The following PLXND1 variants were observed in gnomAD, a reference collection of about 807,000 sequenced individuals.
The protein encoded by PLXND1 is plexin-D1.
In PLXND1, 54 loss-of-function variants were observed where a neutral mutation model predicts 197.7. The ratio of observed to expected loss-of-function variants is 0.27; its 90% CI spans 0.22 to 0.34. The LOEUF is 0.34. Ranked by LOEUF, PLXND1 falls within the 10% of genes least tolerant of loss-of-function variation. PLXND1 has a pLI of 1.00. For missense variants in PLXND1, 2,127 were observed against 2,699.2 expected (o/e 0.79, Z 4.70); for synonymous variants, 1,180 against 1,161.2 (o/e 1.02, Z -0.33).
intron 1 of PLXND1, among the ~76,000 whole-genome samples, chr3:129,600,840 AT>A (rs2085697112): frequency 2.6e-5 from 4 of 151,966 alleles, no homozygotes; most frequent in Non-Finnish European, 5.9e-5. Flanking sequence ...GTGCAAAAAA[AT>A]GTCTTCTTGA....
intron 14 of PLXND1, 22 bp downstream of exon 14, chr3:129,572,820 G>A (rs750706095): frequency 6.2e-7 from 1 of 1,612,496 alleles, no homozygotes. Flanking sequence ...GGGCCGGACA[G>A]TGGGCTGCAG....
At chr3:129,561,978 A>G (rs2085069099) in intron 27 of PLXND1, 75 bp from the exon 28 acceptor site, 4 of 935,344 alleles carry the variant, frequency 4.3e-6, no homozygotes, top group Middle Eastern at 2.6e-4. Context: ...GCCCAGCCAC[A>G]TAGGGAGAGG....
At chr3:129,588,668 G>A (rs2085495000) in intron 2 of PLXND1, among the ~76,000 whole-genome samples, 1 of 152,254 alleles carries the variant, frequency 6.6e-6, no homozygotes, top group South Asian at 2.1e-4. Context: ...GAATAGAGTG[G>A]TGGCGCTTAG....
intron 20 of PLXND1, among the ~76,000 whole-genome samples, chr3:129,568,818 G>C (rs963934637): frequency 6.6e-6 from 1 of 152,194 alleles, no homozygotes; most frequent in African/African-American, 2.4e-5. Context: ...CAAAGTGCTG[G>C]GACTACAGGC....
intron 34 of PLXND1, 177 bp from the exon 35 acceptor site, chr3:129,556,868 A>G: frequency 1.5e-6 from 1 of 689,394 alleles, no homozygotes; most frequent in Non-Finnish European, 2.5e-6. Context: ...CTGAAGTCCA[A>G]TCTCCTCTCC....
At chr3:129,584,620 C>A in intron 5 of PLXND1, 58 bp from the exon 6 acceptor site, 1 of 1,509,108 alleles carries the variant, frequency 6.6e-7, no homozygotes, top group South Asian at 1.3e-5. Context: ...ACAGCCTGCC[C>A]CAGGGCTGTG....
rs1253597335 is a variant in PLXND1, at chr3:129,605,401, G to T, written c.1239C>A (p.Pro413=). The part of the protein sequence containing the change: ...ARTACFVEPA[P]DVVAVLDSVV... ...CGCTGTCGAGCACCGCCACCACGTCGGGCGCCGGTTCCACGAAGCAGGCGG... is the reference window on the plus strand; with the variant it reads ...CGCTGTCGAGCACCGCCACCACGTCTGGCGCCGGTTCCACGAAGCAGGCGG... Residue 413 remains proline (P), a synonymous_variant, in exon 1 of 36, where the codon CCC becomes CCA. Transcript: ENST00000324093. 6.7e-7 allele frequency: 1 copy of T among 1,500,124 alleles called. No homozygotes were observed. The allele number at this position is 1,500,124 out of a possible 1,614,324, so 92.9% of individuals were successfully genotyped here.
Position 129,556,399 on chromosome 3 carries a change from C to T in PLXND1, c.5691G>A (p.Thr1897=), listed in dbSNP as rs761700156. ...TGTGCTGCAGTTGTGTCCTCCGGGC[C>T]GTGGGGTTGGCCTCCAGCGCGGCCA... ...QIMAALEANP[T]ARRTQLQHKF... The change falls in exon 36 of 36, where the codon ACG becomes ACA. Residue 1897 remains threonine, a synonymous_variant. Coordinates refer to ENST00000324093, the MANE Select transcript of PLXND1 (RefSeq NM_015103.3). 42 of 1,614,054 alleles carry T rather than the reference C, an allele frequency of 2.6e-5. No homozygotes were observed. In the East Asian group the frequency reaches 5.1e-4, roughly 20 times the overall value.
chr3:129,588,606 TG>T (rs1261016098), intron 2 of PLXND1, among the ~76,000 whole-genome samples: 1 of 152,100 alleles, frequency 6.6e-6, no homozygotes, highest in Non-Finnish European at 1.5e-5. Context: ...GGCAGTGGGT[TG>T]GGGGGGACTT....
rs759222944 is a variant in PLXND1, at chr3:129,569,855, G to A, written c.3853C>T (p.Leu1285Phe). Residue 1285 changes from leucine (L) to phenylalanine (F), a missense_variant, in exon 20 of 36, where the codon CTC becomes TTC. This residue lies in a region of PLXND1 where 532 missense variants were observed against 811.0 expected (regional missense o/e 0.66). Transcript: ENST00000324093. ...TGGGGCTCCTTACCCACCACGGAGA[G>A]CAGCAGCAGGACGCTGCAGATGACG... is the stretch of plus-strand genomic sequence containing the variant. ...SIVICSVLLL[L>F]SVVALFVFCT... 4 of 1,590,706 alleles carry A rather than the reference G, an allele frequency of 2.5e-6. No homozygotes were observed. The highest frequency in any genetic ancestry group is 3.5e-6 in the Non-Finnish European group (4 of 1,158,842).
intron 1 of PLXND1, among the ~76,000 whole-genome samples, chr3:129,598,330 C>T (rs2085657783): frequency 6.6e-6 from 1 of 152,124 alleles, no homozygotes; most frequent in Non-Finnish European, 1.5e-5. Context: ...TGTCTGATGT[C>T]ATGACCTCCT....
In PLXND1 at chr3:129,558,842, C is replaced by T. The variant is rs535852283; in HGVS notation, c.5298-267G>A. The T allele has an allele frequency of 4.8e-6, 2 of 420,074 alleles. No individual in the cohort carries two copies. Among genetic ancestry groups the T allele is most frequent in the Non-Finnish European group, 8.7e-6 (2 of 229,716 alleles). 26.0% of individuals were successfully genotyped at this position (420,074 alleles called of 1,614,324 possible). ...CCCCCTCCTGAGCCTCCAGTCAGGT[C>T]CTGGTTCTCATTAGAACCAGGTGCC... On this transcript the variant is annotated intron_variant, in intron 32 of 35. Transcript: ENST00000324093. The surrounding 1 kb of genome is among the most constrained non-coding windows in gnomAD (Gnocchi z 4.1).
intron 1 of PLXND1, among the ~76,000 whole-genome samples, chr3:129,597,185 G>A (rs1359748669): frequency 6.6e-6 from 1 of 152,216 alleles, no homozygotes; most frequent in African/African-American, 2.4e-5. Flanking sequence ...AGCCGGAATG[G>A]CTAGATCCAA....
At chr3:129,599,295 C>A (rs2085673240) in intron 1 of PLXND1, among the ~76,000 whole-genome samples, 1 of 152,252 alleles carries the variant, frequency 6.6e-6, no homozygotes, top group Admixed American at 6.5e-5. Context: ...TGAATGCCGC[C>A]AGGCCACTCC....
At chr3:129,584,058 C>A (rs1578340934) in intron 7 of PLXND1, 67 bp downstream of exon 7, 1 of 1,061,836 alleles carries the variant, frequency 9.4e-7, no homozygotes, top group Non-Finnish European at 1.4e-6. Flanking sequence ...CCCCTGAAAG[C>A]AAAGACCCTT....
intron 25 of PLXND1, among the ~76,000 whole-genome samples, chr3:129,565,111 C>A (rs2108768413): frequency 6.6e-6 from 1 of 152,360 alleles, no homozygotes; most frequent in Non-Finnish European, 1.5e-5. Context: ...CTCTGTTATG[C>A]CCCAAGCATC....
rs751152442 is a variant in PLXND1 at position 129,558,517 on chromosome 3, C to T, written c.5356G>A (p.Asp1786Asn). The change falls in exon 33 of 36, where the codon GAC becomes AAC. Residue 1786 changes from aspartate (D) to asparagine (N), a missense_variant. Transcript: ENST00000324093. This position sits in a 1 kb window ranked among gnomAD's most constrained non-coding sequence, Gnocchi z 4.1. ...LKNPQFVFDIDKTDHIDACLS... is the reference protein window; with the variant it reads ...LKNPQFVFDINKTDHIDACLS... ...CAGGCGTCGATGTGGTCTGTCTTGTCGATGTCAAAGACAAACTGGGGGTTC... is the reference window on the plus strand; with the variant it reads ...CAGGCGTCGATGTGGTCTGTCTTGTTGATGTCAAAGACAAACTGGGGGTTC... 8 of 1,613,738 alleles carry T rather than the reference C, an allele frequency of 5.0e-6. No homozygotes were observed. Among genetic ancestry groups the T allele is most frequent in the Non-Finnish European group, 6.8e-6 (8 of 1,179,882 alleles).
chr3:129,595,495 C>T (rs2108800787), intron 1 of PLXND1, among the ~76,000 whole-genome samples: 1 of 152,352 alleles, frequency 6.6e-6, no homozygotes, highest in Middle Eastern at 3.4e-3. Flanking sequence ...AGGCCTAGCA[C>T]CATGGTCAGG....
At chr3:129,600,124 G>A (rs529442946) in intron 1 of PLXND1, among the ~76,000 whole-genome samples, 23 of 152,300 alleles carry the variant, frequency 1.5e-4, no homozygotes, top group African/African-American at 3.6e-4. Flanking sequence ...TCCTCAGCCC[G>A]GGCACTAGAG....
Sources: gnomAD v4.1 joint callset for allele counts (sites outside exome capture counted in the v4.1 genomes callset) on GRCh38, gnomAD v4.1.1 for gene constraint, gnomAD v4.1.1 regional missense constraint, Gnocchi (gnomAD v3.1) non-coding constraint, MANE v1.5 for transcripts, NCBI Gene and HGNC (gene_info 2026-07-23, HGNC 2026-07-21) for gene names.